The following SLC41A2 variants were observed in gnomAD, a reference collection of about 807,000 sequenced individuals.
SLC41A2 encodes the protein SLC41A1-like 1.
A neutral mutation model predicts 58.3 loss-of-function variants in SLC41A2; 32 were observed. That is an observed-to-expected ratio of 0.55 (90% CI 0.41 to 0.74). The LOEUF (loss-of-function observed/expected upper bound fraction) is 0.74, where lower values mean the gene tolerates loss of function less well. SLC41A2 is among the 30% of genes least tolerant of loss of function. The pLI is 0.00. For synonymous variants in SLC41A2, 190 were observed against 235.0 expected (o/e 0.81, Z 1.75); for missense variants, 514 against 680.6 (o/e 0.76, Z 2.72).
chr12:104,823,393 G>T (rs2041716017), intron 10 of SLC41A2, among the ~76,000 whole-genome samples: 1 of 151,906 alleles, frequency 6.6e-6, no homozygotes, highest in African/African-American at 2.4e-5. Context: ...ACAAGTTAAG[G>T]CTCAAAAGAA....
At chr12:104,833,010 T>C (rs2042091793) in intron 10 of SLC41A2, among the ~76,000 whole-genome samples, 1 of 152,178 alleles carries the variant, frequency 6.6e-6, no homozygotes, top group Non-Finnish European at 1.5e-5. Flanking sequence ...ACACTTAAAC[T>C]GAAAAGAGTT....
intron 1 of SLC41A2, among the ~76,000 whole-genome samples, chr12:104,949,293 T>C (rs1002789484): frequency 2.6e-5 from 4 of 152,188 alleles, no homozygotes; most frequent in African/African-American, 4.8e-5. Context: ...ATATCATAAA[T>C]TGCCTTGTTT....
chr12:104,912,169 C>T (rs141523884), intron 2 of SLC41A2, among the ~76,000 whole-genome samples: 5 of 152,180 alleles, frequency 3.3e-5, no homozygotes, highest in East Asian at 3.9e-4. Context: ...TGTGATACTG[C>T]GAAGCATATA....
intron 10 of SLC41A2, among the ~76,000 whole-genome samples, chr12:104,827,211 T>C (rs1192249140): frequency 6.6e-6 from 1 of 152,170 alleles, no homozygotes; most frequent in East Asian, 1.9e-4. Flanking sequence ...TCCCAAAGGA[T>C]AAATTTATTA....
intron 8 of SLC41A2, among the ~76,000 whole-genome samples, chr12:104,849,240 G>C (rs1156465480): frequency 6.6e-6 from 1 of 152,140 alleles, no homozygotes; most frequent in East Asian, 1.9e-4. Context: ...AGACATCATG[G>C]AGAAAGTGGA....
intron 2 of SLC41A2, among the ~76,000 whole-genome samples, chr12:104,915,043 A>C (rs1341789776): frequency 2.0e-5 from 3 of 152,250 alleles, no homozygotes; most frequent in Admixed American, 1.3e-4. Context: ...ACTTCTTGTC[A>C]TACCTAACTT....
chr12:104,916,445 A>C (rs951903681), intron 2 of SLC41A2, among the ~76,000 whole-genome samples: 17 of 152,158 alleles, frequency 1.1e-4, no homozygotes, highest in Admixed American at 2.6e-4. Flanking sequence ...GCTACCAATG[A>C]CTTTCTTCAC....
intron 10 of SLC41A2, among the ~76,000 whole-genome samples, chr12:104,809,393 AG>A (rs2041072091): frequency 6.6e-6 from 1 of 152,226 alleles, no homozygotes; most frequent in African/African-American, 2.4e-5. Context: ...ACCAGGAAGG[AG>A]AGTGGCTTGT....
intron 8 of SLC41A2, among the ~76,000 whole-genome samples, chr12:104,849,355 T>G (rs934911928): frequency 6.6e-6 from 1 of 152,188 alleles, no homozygotes; most frequent in Admixed American, 6.5e-5. Flanking sequence ...GAATCAGTAA[T>G]TGCAGAAATG....
rs2040729108 is a variant in SLC41A2, at chr12:104,802,223, A to G, written c.*2929T>C. On this transcript the variant is annotated 3_prime_UTR_variant, in exon 11 of 11. Coordinates refer to ENST00000258538, the MANE Select transcript of SLC41A2 (RefSeq NM_001352171.3). ...AAAGAAAAATGTTTCTAAAAGTGTT[A>G]TCTGTGTATAAATAAAGTGGCTGAT... 6.6e-6 allele frequency among the ~76,000 whole-genome samples: 1 copy of G among 152,220 alleles called. No homozygotes were observed. The highest frequency in any genetic ancestry group is 2.1e-4 in the South Asian group (1 of 4,834).
chr12:104,842,187 G>A (rs2042434968), intron 10 of SLC41A2, among the ~76,000 whole-genome samples: 1 of 151,990 alleles, frequency 6.6e-6, no homozygotes, highest in Admixed American at 6.6e-5. Context: ...AAGCCAGGTG[G>A]GGAAGGTCAA....
chr12:104,859,737 T>C (rs2043137743), intron 8 of SLC41A2, among the ~76,000 whole-genome samples: 1 of 152,114 alleles, frequency 6.6e-6, no homozygotes, highest in Non-Finnish European at 1.5e-5. Flanking sequence ...TATATACATA[T>C]ATACATTTTT....
At chr12:104,874,897 A>G (rs2043974184) in intron 6 of SLC41A2, among the ~76,000 whole-genome samples, 1 of 152,196 alleles carries the variant, frequency 6.6e-6, no homozygotes, top group Non-Finnish European at 1.5e-5. Context: ...TGAAATTTTG[A>G]TAGGAATTGC....
chr12:104,957,306 T>C (rs751101415), intron 1 of SLC41A2, among the ~76,000 whole-genome samples: 25 of 152,224 alleles, frequency 1.6e-4, no homozygotes, highest in Non-Finnish European at 2.9e-4. Flanking sequence ...TCCATTTATA[T>C]GAGATTTCCA....
intron 1 of SLC41A2, among the ~76,000 whole-genome samples, chr12:104,936,247 A>C (rs2047264518): frequency 6.6e-6 from 1 of 152,198 alleles, no homozygotes; most frequent in Non-Finnish European, 1.5e-5. Flanking sequence ...TTACTGGTTT[A>C]TGAATTTACT....
chr12:104,858,387 C>T (rs1047102589), intron 8 of SLC41A2, among the ~76,000 whole-genome samples: 10 of 151,928 alleles, frequency 6.6e-5, no homozygotes, highest in Middle Eastern at 3.4e-3. Context: ...AGATAAGAGA[C>T]CTTAGACAAT....
At chr12:104,834,334 C>T (rs1395921980) in intron 10 of SLC41A2, among the ~76,000 whole-genome samples, 2 of 152,146 alleles carry the variant, frequency 1.3e-5, no homozygotes, top group African/African-American at 4.8e-5. Flanking sequence ...AACTTCCTAT[C>T]TTAAGGTAAG....
At chr12:104,922,683 C>A (rs1481492445) in intron 2 of SLC41A2, among the ~76,000 whole-genome samples, 1 of 152,182 alleles carries the variant, frequency 6.6e-6, no homozygotes, top group Non-Finnish European at 1.5e-5. Flanking sequence ...ACAGACCTAA[C>A]TGATAATTAG....
intron 10 of SLC41A2, 40 bp from the exon 11 acceptor site, chr12:104,805,377 A>G (rs1254141605): frequency 1.9e-6 from 3 of 1,550,040 alleles, no homozygotes; most frequent in African/African-American, 1.4e-5. Context: ...CTGCCTGGAC[A>G]TTCCTAGCCC....
Sources: allele counts gnomAD v4.1 joint callset (sites outside exome capture counted in the v4.1 genomes callset), GRCh38; gene constraint gnomAD v4.1.1; transcripts MANE v1.5; gene names NCBI Gene and HGNC (gene_info 2026-07-23, HGNC 2026-07-21).